TENM2: variants seen among roughly 807,000 people sequenced by gnomAD.
The protein encoded by TENM2 is teneurin-2.
TENM2 carries 52 observed loss-of-function variants against 245.2 expected under a neutral mutation model. That is an observed-to-expected ratio of 0.21 (90% CI 0.17 to 0.27). The LOEUF (loss-of-function observed/expected upper bound fraction) is 0.27, where lower values mean the gene tolerates loss of function less well. Ranked by LOEUF, TENM2 falls within the 10% of genes least tolerant of loss-of-function variation. TENM2 has a pLI of 1.00. For missense variants in TENM2, 3,046 were observed against 3,666.8 expected (o/e 0.83, Z 4.37); for synonymous variants, 1,363 against 1,438.9 (o/e 0.95, Z 1.19).
At chr5:167,867,440 A>G (rs1441810567) in intron 2 of TENM2, among the ~76,000 whole-genome samples, 1 of 152,186 alleles carries the variant, frequency 6.6e-6, no homozygotes, top group African/African-American at 2.4e-5. Flanking sequence ...CTCCTGCAAG[A>G]GGCCCTTTAA....
the TENM2 span, among the ~76,000 whole-genome samples, chr5:167,129,070 G>C: frequency 1.3e-5 from 2 of 152,168 alleles, no homozygotes; most frequent in Non-Finnish European, 2.9e-5. Context: ...GGAATAGGCA[G>C]TTCTTTCCCT....
chr5:168,190,277 T>G, intron 13 of TENM2, 60 bp from the exon 16 acceptor site: 1 of 1,358,120 alleles, frequency 7.4e-7, no homozygotes, highest in Non-Finnish European at 1.0e-6. Flanking sequence ...GGTGTTAGTG[T>G]CTCCAAACAG....
chr5:168,080,051 A>T (rs975664363), intron 7 of TENM2, among the ~76,000 whole-genome samples: 1 of 152,160 alleles, frequency 6.6e-6, no homozygotes, highest in Non-Finnish European at 1.5e-5. Context: ...CTGTGAATCT[A>T]TCTGGTCCTA....
chr5:167,745,414 C>T (rs1488620770), intron 2 of TENM2, among the ~76,000 whole-genome samples: 2 of 152,092 alleles, frequency 1.3e-5, no homozygotes, highest in African/African-American at 2.4e-5. Flanking sequence ...GGAGCTCCAT[C>T]GTAAGCCTTG....
chr5:167,445,237 A>G (rs1206412559), intron 2 of TENM2, among the ~76,000 whole-genome samples: 5 of 151,306 alleles, frequency 3.3e-5, no homozygotes, highest in Admixed American at 1.3e-4. Context: ...ATCATCAGAG[A>G]TAAGTGTAAG....
chr5:167,831,410 C>T (rs1334276529), intron 2 of TENM2, among the ~76,000 whole-genome samples: 3 of 151,418 alleles, frequency 2.0e-5, no homozygotes, highest in Non-Finnish European at 4.4e-5. Context: ...TGTTATATTC[C>T]TAGTGGTTGC....
At chr5:167,514,545 T>C (rs1177899707) in intron 2 of TENM2, among the ~76,000 whole-genome samples, 1 of 152,182 alleles carries the variant, frequency 6.6e-6, no homozygotes, top group Non-Finnish European at 1.5e-5. Flanking sequence ...CCATTGCCAT[T>C]AAGTAAGAAT....
rs144577809 is a variant in TENM2 at position 168,116,244 on chromosome 5, G to A, written c.1814-2048G>A. 5.0e-3 allele frequency among the ~76,000 whole-genome samples: 757 copies of A among 152,142 alleles called. 6 individuals are homozygous for A. Among genetic ancestry groups the A allele is most frequent in the African/African-American group, 0.018 (728 of 41,496 alleles). ...TAGACAGTTCGTCTAAATTCAATATGCGGCTTTGAAGTTCTCACTTTTGAA... is the reference window on the plus strand; with the variant it reads ...TAGACAGTTCGTCTAAATTCAATATACGGCTTTGAAGTTCTCACTTTTGAA... On this transcript the variant is annotated intron_variant, in intron 9 of 28. Coordinates refer to ENST00000518659, the Ensembl canonical transcript of TENM2.
chr5:168,069,305 A>C (rs1239831473), intron 7 of TENM2, among the ~76,000 whole-genome samples: 5 of 152,250 alleles, frequency 3.3e-5, no homozygotes, highest in Admixed American at 3.3e-4. Flanking sequence ...AGTTCAATGT[A>C]TGCTCAGAGA....
intron 7 of TENM2, among the ~76,000 whole-genome samples, chr5:168,066,904 A>G (rs1158999055): frequency 6.6e-6 from 1 of 152,222 alleles, no homozygotes; most frequent in Non-Finnish European, 1.5e-5. Flanking sequence ...GTCAAAGGAA[A>G]TCTCAGAGGC....
chr5:167,102,830 T>C, the TENM2 span, among the ~76,000 whole-genome samples: 1 of 152,192 alleles, frequency 6.6e-6, no homozygotes, highest in Non-Finnish European at 1.5e-5. Context: ...AGTTAAATTT[T>C]GTATTTTTAG....
chr5:167,104,442 A>C, the TENM2 span, among the ~76,000 whole-genome samples: 2 of 152,204 alleles, frequency 1.3e-5, no homozygotes, highest in African/African-American at 4.8e-5. Context: ...TAATACATAC[A>C]TCAGGAATGA....
At chr5:167,151,852 G>A in the TENM2 span, among the ~76,000 whole-genome samples, 3 of 152,090 alleles carry the variant, frequency 2.0e-5, no homozygotes. Flanking sequence ...TAAACCCTTT[G>A]GTAATGTGCA....
chr5:167,345,155 A>G (rs1187047591), intron 1 of TENM2, among the ~76,000 whole-genome samples: 1 of 152,204 alleles, frequency 6.6e-6, no homozygotes, highest in Non-Finnish European at 1.5e-5. Context: ...AAAAGCAGAC[A>G]TCACTAAGAA....
intron 1 of TENM2, among the ~76,000 whole-genome samples, chr5:167,294,679 T>C (rs765849191): frequency 6.6e-5 from 10 of 152,040 alleles, no homozygotes; most frequent in Non-Finnish European, 7.4e-5. Context: ...GGCCCCTAGA[T>C]AGGTTTTATT....
At chr5:168,165,656 CCCCCCCCCG>C in intron 13 of TENM2, among the ~76,000 whole-genome samples, 1 of 87,706 alleles carries the variant, frequency 1.1e-5, no homozygotes, top group East Asian at 2.8e-4. Flanking sequence ...CAACCCCCCC[CCCCCCCCCG>C]GCTGGCAGAG....
At chr5:167,480,571 C>A (rs1175129535) in intron 2 of TENM2, among the ~76,000 whole-genome samples, 1 of 152,116 alleles carries the variant, frequency 6.6e-6, no homozygotes, top group Non-Finnish European at 1.5e-5. Flanking sequence ...ATAACTTAGG[C>A]CTGGAAATCT....
chr5:167,820,702 A>G (rs926945162), intron 2 of TENM2, among the ~76,000 whole-genome samples: 1 of 152,224 alleles, frequency 6.6e-6, no homozygotes, highest in African/African-American at 2.4e-5. Flanking sequence ...GTTGCTAACA[A>G]GATATGACTG....
intron 2 of TENM2, among the ~76,000 whole-genome samples, chr5:167,836,268 A>G (rs1768977704): frequency 6.6e-6 from 1 of 152,188 alleles, no homozygotes; most frequent in African/African-American, 2.4e-5. Flanking sequence ...GCCTGTTAAC[A>G]TAATTTAAAT....
Sources: gnomAD v4.1 joint callset for allele counts (sites outside exome capture counted in the v4.1 genomes callset) on GRCh38, gnomAD v4.1.1 for gene constraint, MANE v1.5 for transcripts, NCBI Gene and HGNC (gene_info 2026-07-23, HGNC 2026-07-21) for gene names.